Variants in RGS3 observed in about 807,000 individuals in gnomAD.
RGS3 encodes regulator of G-protein signalling 3.
A neutral mutation model predicts 132.6 loss-of-function variants in RGS3; 80 were observed. The observed-to-expected ratio is 0.60, with a 90% CI of 0.50 to 0.73. RGS3 has a LOEUF of 0.73. RGS3 is among the 30% of genes least tolerant of loss of function. The pLI, the probability that RGS3 is intolerant of heterozygous loss-of-function variation, is 0.00. For synonymous variants in RGS3, 598 were observed against 620.6 expected (o/e 0.96, Z 0.54); for missense variants, 1,382 against 1,530.8 (o/e 0.90, Z 1.62).
chr9:113,447,319 GTATGTATATGTATATATATATATATATA>G (rs1372016793), intron 1 of RGS3, among the ~76,000 whole-genome samples: 8 of 21,886 alleles, frequency 3.7e-4, no homozygotes, highest in Admixed American at 2.0e-3. Context: ...AAATTCTGAT[GTATGTATATGTATATATATATATATATA>G]TATATATATA....
At position 113,565,689 on chromosome 9, in the gene RGS3, C is replaced by A. The variant is rs997352363; in HGVS notation, c.2038-17761C>A. Reference sequence around the variant, plus strand: ...ACCTGGGCGGGCGAGCTGGCAGGAGCGGCAGCCAGGAGTCGCCTGGGTCCC... The same window carrying A: ...ACCTGGGCGGGCGAGCTGGCAGGAGAGGCAGCCAGGAGTCGCCTGGGTCCC... On this transcript the variant is annotated intron_variant, in intron 19 of 24. Transcript: ENST00000350696. The surrounding 1 kb of genome is among the most constrained non-coding windows in gnomAD (Gnocchi z 5.7). 3.0e-5 allele frequency: 8 copies of A among 270,208 alleles called. No homozygotes were observed. Among genetic ancestry groups the A allele is most frequent in the Non-Finnish European group, 5.9e-5 (8 of 134,870 alleles). 16.7% of individuals were successfully genotyped at this position (270,208 alleles called of 1,614,324 possible). A position where few individuals can be genotyped will look rare whatever the true frequency, so the allele number is the denominator to read the frequency against.
chr9:113,587,124 A>T (rs759224251), intron 20 of RGS3, among the ~76,000 whole-genome samples: 13 of 151,984 alleles, frequency 8.6e-5, no homozygotes, highest in Non-Finnish European at 1.5e-4. Context: ...TTTTGTCCCC[A>T]GCCACACAGC....
chr9:113,459,219 A>T (rs763213418), upstream of RGS3, among the ~76,000 whole-genome samples: 1 of 152,234 alleles, frequency 6.6e-6, no homozygotes, highest in Non-Finnish European at 1.5e-5. Flanking sequence ...TTAAAACTAC[A>T]TTAGCATCAT....
intron 19 of RGS3, among the ~76,000 whole-genome samples, chr9:113,562,973 G>GC (rs934192529): frequency 1.3e-5 from 2 of 152,162 alleles, no homozygotes; most frequent in Non-Finnish European, 1.5e-5. Context: ...ACACTGGGAG[G>GC]CCCCCCAGCC....
At chr9:113,519,860 C>G (rs1287560298) in intron 16 of RGS3, among the ~76,000 whole-genome samples, 1 of 152,182 alleles carries the variant, frequency 6.6e-6, no homozygotes, top group East Asian at 1.9e-4. Flanking sequence ...TCATCACAGC[C>G]CCTTCCAGAA....
exon 4 of RGS3, chr9:113,479,515 C>T: frequency 1.2e-6 from 2 of 1,614,200 alleles, no homozygotes; most frequent in Non-Finnish European, 1.7e-6. Flanking sequence ...TCCATTGATG[C>T]CCAGGACCGG....
rs1829480275 is a variant in RGS3, at chr9:113,461,930, C to T, written c.234+70C>T. On this transcript the variant is annotated intron_variant, in intron 2 of 24. Coordinates refer to ENST00000350696, the Ensembl canonical transcript of RGS3. ...CCTTCCTTTGCTGTTTCCTGAACAC[C>T]ATGCTTTCTAGTTCCTACTGGGAGT... 15 of 1,591,922 alleles carry T rather than the reference C, an allele frequency of 9.4e-6. No individual in the cohort carries two copies. In the East Asian group the frequency reaches 2.9e-4, roughly 31 times the overall value.
In RGS3 at chr9:113,506,136, G is replaced by C. The variant is rs1156732391; in HGVS notation, c.980-252G>C. 6.6e-6 allele frequency among the ~76,000 whole-genome samples: 1 copy of C among 152,132 alleles called. No homozygotes were observed. Among genetic ancestry groups the C allele is most frequent in the Non-Finnish European group, 1.5e-5 (1 of 68,030 alleles). On this transcript the variant is annotated intron_variant, in intron 11 of 24. Transcript: ENST00000350696. The surrounding 1 kb of genome is among the most constrained non-coding windows in gnomAD (Gnocchi z 4.7). Reference sequence around the variant, plus strand: ...GGCCCGGGTAGAAGGGTGGACTGCAGAGAGGTAAGCCAGCAGTAGGGGAGG... The same window carrying C: ...GGCCCGGGTAGAAGGGTGGACTGCACAGAGGTAAGCCAGCAGTAGGGGAGG...
intron 18 of RGS3, 61 bp downstream of exon 16, chr9:113,529,325 A>G: frequency 3.7e-6 from 5 of 1,354,554 alleles, no homozygotes; most frequent in South Asian, 1.2e-5. Context: ...GAGGGGAGAC[A>G]CTGGGCTGGG....
At chr9:113,492,474 T>A (rs763510315) in intron 7 of RGS3, among the ~76,000 whole-genome samples, 1 of 152,260 alleles carries the variant, frequency 6.6e-6, no homozygotes, top group Non-Finnish European at 1.5e-5. Flanking sequence ...TTTAAATTCC[T>A]GGATGTTTGT....
In RGS3 at chr9:113,461,854, T is replaced by C. The variant is rs367979415; in HGVS notation, c.228T>C (p.Cys76=). 9 of 1,613,338 alleles carry C rather than the reference T, an allele frequency of 5.6e-6. No individual in the cohort carries two copies. In the African/African-American group the frequency reaches 1.2e-4, roughly 22 times the overall value. Residue 76 remains cysteine (C), a synonymous_variant, in exon 2 of 25, where the codon TGT becomes TGC. Coordinates refer to ENST00000350696, the Ensembl canonical transcript of RGS3. ...TCTACAGTGGTCCCTGGCGAAGTTG[T>C]GAAGAGGTGACTATCATCTCAGGCA... is the stretch of plus-strand genomic sequence containing the variant.
At chr9:113,487,172 C>T (rs1031153237) in intron 7 of RGS3, among the ~76,000 whole-genome samples, 3 of 142,804 alleles carry the variant, frequency 2.1e-5, no homozygotes, top group Non-Finnish European at 3.0e-5. Context: ...ACTGCAGTGG[C>T]GCAATCTCGG....
chr9:113,560,596 C>T (rs767686505), intron 19 of RGS3, among the ~76,000 whole-genome samples: 3 of 152,174 alleles, frequency 2.0e-5, no homozygotes, highest in Non-Finnish European at 4.4e-5. Flanking sequence ...GTACCGGCTC[C>T]GGCACAGAGC....
chr9:113,591,270 C>G lies in RGS3; in HGVS notation c.3016-63C>G. The G allele has an allele frequency of 6.9e-7, 1 of 1,456,826 alleles. No homozygotes were observed. The highest frequency in any genetic ancestry group is 9.6e-7 in the Non-Finnish European group (1 of 1,041,180). 90.2% of individuals were successfully genotyped at this position (1,456,826 alleles called of 1,614,324 possible). ...CAGGGAATGTTGGGTCTCTGAGCCT[C>G]TGTTTACTTAGGCAGGAGTTCCTGG... On this transcript the variant is annotated intron_variant, in intron 20 of 24. Transcript: ENST00000350696. The surrounding 1 kb of genome is among the most constrained non-coding windows in gnomAD (Gnocchi z 4.4).
Position 113,507,468 on chromosome 9 carries a change from A to G in RGS3, c.1267A>G (p.Ser423Gly). Residue 423 changes from serine to glycine, a missense_variant, in exon 13 of 25, where the codon AGC becomes GGC. By Grantham distance (56) the Ser-to-Gly change is moderately conservative. Coordinates refer to ENST00000350696, the Ensembl canonical transcript of RGS3. This position sits in a 1 kb window ranked among gnomAD's most constrained non-coding sequence, Gnocchi z 5.0. Reference sequence around the variant, plus strand: ...CCAGGCACGGCCTGAGCAGCGCCACAGCTGCCACCTGGTATGTGACAGCTC... The same window carrying G: ...CCAGGCACGGCCTGAGCAGCGCCACGGCTGCCACCTGGTATGTGACAGCTC... The G allele has an allele frequency of 6.2e-7, 1 of 1,613,640 alleles. No homozygotes were observed. The highest frequency in any genetic ancestry group is 8.5e-7 in the Non-Finnish European group (1 of 1,179,968).
intron 15 of RGS3, 22 bp from the exon 14 acceptor site, chr9:113,517,519 A>G: frequency 2.5e-6 from 4 of 1,607,748 alleles, no homozygotes; most frequent in South Asian, 2.2e-5. Flanking sequence ...TGAACTGCCC[A>G]CTCAGCCTGC....
chr9:113,576,513 G>A (rs10981833), intron 19 of RGS3, among the ~76,000 whole-genome samples: 9,400 of 151,938 alleles, frequency 0.062, 730 homozygotes, highest in East Asian at 0.37. Flanking sequence ...TGTATTTTTG[G>A]TAGAGACGGG....
intron 20 of RGS3, among the ~76,000 whole-genome samples, chr9:113,588,685 C>T (rs1355542667): frequency 1.3e-5 from 2 of 152,222 alleles, no homozygotes; most frequent in African/African-American, 2.4e-5. Context: ...ATGTAGTGAA[C>T]GCTCAATAAA....
At chr9:113,496,587 G>A (rs1196077403) in intron 8 of RGS3, among the ~76,000 whole-genome samples, 1 of 151,306 alleles carries the variant, frequency 6.6e-6, no homozygotes, top group Admixed American at 6.6e-5. Context: ...GTCTCACTCT[G>A]TTGCCCAGGC....
Sources: allele counts gnomAD v4.1 joint callset (sites outside exome capture counted in the v4.1 genomes callset), GRCh38; gene constraint gnomAD v4.1.1; non-coding constraint Gnocchi (gnomAD v3.1); transcripts MANE v1.5; gene names NCBI Gene and HGNC (gene_info 2026-07-23, HGNC 2026-07-21).